Variants in VWF observed in about 807,000 individuals in gnomAD.
VWF encodes the protein Factor VIII related antigen.
A neutral mutation model predicts 308.6 loss-of-function variants in VWF; 176 were observed. The ratio of observed to expected loss-of-function variants is 0.57; its 90% CI spans 0.50 to 0.65. VWF has a LOEUF of 0.65. Ranked by LOEUF, VWF falls within the 30% of genes least tolerant of loss-of-function variation. The pLI, the probability that VWF is intolerant of heterozygous loss-of-function variation, is 0.00. For synonymous variants in VWF, 1,385 were observed against 1,443.4 expected, an observed-to-expected ratio of 0.96 and a Z score of 0.92; for missense variants, 3,146 against 3,648.2, an observed-to-expected ratio of 0.86 and a Z score of 3.55.
At chr12:6,021,846 C>T (rs2136416364) in intron 27 of VWF, 54 bp downstream of exon 27, 2 of 1,613,212 alleles carry the variant, frequency 1.2e-6, no homozygotes, top group Non-Finnish European at 1.7e-6. Flanking sequence ...CTAAGCTGGC[C>T]CCTGGAGAAG....
intron 28 of VWF, 27 bp downstream of exon 28, chr12:6,018,338 C>G (rs1451382033): frequency 1.2e-6 from 2 of 1,601,336 alleles, no homozygotes. Flanking sequence ...CCCAGCCCTC[C>G]CACCTGCACA....
intron 6 of VWF, among the ~76,000 whole-genome samples, chr12:6,083,541 G>A (rs944688726): frequency 1.3e-5 from 2 of 152,188 alleles, no homozygotes; most frequent in African/African-American, 4.8e-5. Flanking sequence ...CTCCAGCCTG[G>A]GCAAGAGAGC....
At position 6,062,972 on chromosome 12, in the gene VWF, G is replaced by A. The variant is rs377198574; in HGVS notation, c.1515C>T (p.Arg505=). The part of the protein sequence containing the change: ...GEDLQMDWDG[R]GRLLVKLSPV... The stretch of plus-strand genomic sequence containing the variant: ...CACCTACCTTCACCAGCAGCCTCCC[G>A]CGGCCATCCCAGTCCATCTGCAGGT... Residue 505 remains arginine (R), a synonymous_variant, in exon 13 of 52, where the codon CGC becomes CGT. Coordinates refer to ENST00000261405, the MANE Select transcript of VWF (RefSeq NM_000552.5). 67 of 1,612,818 alleles carry A rather than the reference G, an allele frequency of 4.2e-5. No homozygotes were observed. In the Middle Eastern group the frequency reaches 1.3e-3, roughly 32 times the overall value.
At chr12:5,998,799 C>A (rs1943840575) in intron 34 of VWF, among the ~76,000 whole-genome samples, 1 of 152,094 alleles carries the variant, frequency 6.6e-6, no homozygotes, top group Admixed American at 6.6e-5. Context: ...GCGATCTTGG[C>A]TCACTGCAAC....
chr12:6,085,771 C>T (rs977044992), intron 6 of VWF, among the ~76,000 whole-genome samples: 7 of 152,060 alleles, frequency 4.6e-5, no homozygotes, highest in African/African-American at 1.7e-4. Context: ...AGGACAAACA[C>T]CTAATGCATG....
rs1944585584 is a variant in VWF, at chr12:6,056,909, C to T, written c.1893G>A (p.Ala631=). 2 of 1,527,198 alleles carry T rather than the reference C, an allele frequency of 1.3e-6. No individual in the cohort carries two copies. The highest frequency in any genetic ancestry group is 1.7e-6 in the Non-Finnish European group (2 of 1,143,316). 94.6% of individuals were successfully genotyped at this position (1,527,198 alleles called of 1,614,324 possible). ...CLCGALASYA[A]ACAGRGVRVA... is the part of the protein sequence containing the mutation. ...CGCGCACGCCTCTCCCCGCGCAGGC[C>T]GCGGCATAGCTGGCCAGGGCGCCGC... The change falls in exon 15 of 52, where the codon GCG becomes GCA. Residue 631 remains alanine, a synonymous_variant. Transcript: ENST00000261405.
chr12:6,121,267 C>G lies in VWF; in HGVS notation c.127G>C (p.Val43Leu). 6.2e-7 allele frequency: 1 copy of G among 1,614,190 alleles called. No homozygotes were observed. Among genetic ancestry groups the G allele is most frequent in the Non-Finnish European group, 8.5e-7 (1 of 1,180,036 alleles). Reference sequence around the variant, plus strand: ...TACATGCTCCCATCAAAGGTGTTGACGAAGTCACTTCCGAAAAGGCTGCAT... The same window carrying G: ...TACATGCTCCCATCAAAGGTGTTGAGGAAGTCACTTCCGAAAAGGCTGCAT... ...ARCSLFGSDF[V>L]NTFDGSMYSF... Residue 43 changes from valine to leucine, a missense_variant, in exon 3 of 52, where the codon GTC becomes CTC. Physicochemically the swap from Val to Leu is conservative, Grantham distance 32. Around this residue, in one of 3 missense-constraint regions of VWF, gnomAD observed 1,304 missense variants for 1,353.0 expected, o/e 0.96. Transcript: ENST00000261405.
intron 19 of VWF, 57 bp downstream of exon 19, chr12:6,036,331 A>T (rs1038579295): frequency 1.3e-6 from 2 of 1,534,608 alleles, no homozygotes; most frequent in Non-Finnish European, 1.8e-6. Flanking sequence ...GGCCGCGTGC[A>T]CCCTCACTCC....
At chr12:6,009,670 T>C (rs1943969717) in intron 34 of VWF, among the ~76,000 whole-genome samples, 1 of 152,210 alleles carries the variant, frequency 6.6e-6, no homozygotes, top group South Asian at 2.1e-4. Flanking sequence ...AAGGTACTTA[T>C]ACACTTCCAC....
chr12:6,111,885 G>T (rs542104829), intron 3 of VWF, among the ~76,000 whole-genome samples: 71 of 150,792 alleles, frequency 4.7e-4, no homozygotes, highest in African/African-American at 1.6e-3. Context: ...GTGAACCCAG[G>T]AGGCGGAGCT....
chr12:6,094,374 TAA>T (rs1945081894), intron 6 of VWF, among the ~76,000 whole-genome samples: 1 of 152,220 alleles, frequency 6.6e-6, no homozygotes, highest in Non-Finnish European at 1.5e-5. Context: ...TGAGCTGGTA[TAA>T]GAGGAGGCTT....
chr12:5,996,058 T>G lies in VWF; in HGVS notation c.6007A>C (p.Lys2003Gln), dbSNP rs1943804631. 3.1e-6 allele frequency: 5 copies of G among 1,613,970 alleles called. No homozygotes were observed. Among genetic ancestry groups the G allele is most frequent in the Middle Eastern group, 1.7e-4 (1 of 5,876 alleles). ...CSPGARQGCM[K>Q]SIEVKHSALS... ...GCACTGTGCTTCACCTCGATGGATT[T>G]CATGCAGCCCTGCCTTGCTCCAGGG... is the stretch of plus-strand genomic sequence containing the variant. The change falls in exon 35 of 52, where the codon AAA becomes CAA. Residue 2003 changes from lysine (K) to glutamine (Q), a missense_variant. Physicochemically the swap from Lys to Gln is moderately conservative, Grantham distance 53. This residue lies in a region of VWF where 989 missense variants were observed against 1,117.4 expected (regional missense o/e 0.89). Coordinates refer to ENST00000261405, the MANE Select transcript of VWF (RefSeq NM_000552.5).
At chr12:6,121,856 A>G (rs1814249) in intron 2 of VWF, among the ~76,000 whole-genome samples, 79,726 of 151,676 alleles carry the variant, frequency 0.53, 21,829 homozygotes, top group Non-Finnish European at 0.63. Context: ...ACTTGAGCCC[A>G]GGAGGCAGAG....
intron 44 of VWF, among the ~76,000 whole-genome samples, chr12:5,971,295 AG>A (rs1943470416): frequency 6.6e-6 from 1 of 152,338 alleles, no homozygotes; most frequent in Middle Eastern, 3.4e-3. Context: ...AGGGGTGGTG[AG>A]GCCATCCCAA....
rs1944608956 is a variant in VWF at position 6,057,983 on chromosome 12, C to T, written c.1595G>A (p.Gly532Asp). 1.2e-6 allele frequency: 2 copies of T among 1,613,620 alleles called. No individual in the cohort carries two copies. The highest frequency in any genetic ancestry group is 1.7e-6 in the Non-Finnish European group (2 of 1,180,028). ...CCCAGAGGGGGTAAGGAAGTCGTCG[C>T]CCTGGTTGCCATTGTAATTCCCACA... ...GLCGNYNGNQ[G>D]DDFLTPSGLA... Residue 532 changes from glycine to aspartate, a missense_variant, in exon 14 of 52, where the codon GGC becomes GAC. Physicochemically the swap from Gly to Asp is moderately conservative, Grantham distance 94. Around this residue, in one of 3 missense-constraint regions of VWF, gnomAD observed 1,304 missense variants for 1,353.0 expected, o/e 0.96. Coordinates refer to ENST00000261405, the MANE Select transcript of VWF (RefSeq NM_000552.5).
intron 5 of VWF, among the ~76,000 whole-genome samples, chr12:6,101,284 T>C (rs989182635): frequency 6.6e-6 from 1 of 152,104 alleles, no homozygotes; most frequent in Non-Finnish European, 1.5e-5. Flanking sequence ...GTGTAAATAC[T>C]CCTACCATGG....
intron 19 of VWF, among the ~76,000 whole-genome samples, chr12:6,035,721 G>T (rs945403498): frequency 7.2e-5 from 11 of 152,180 alleles, no homozygotes; most frequent in Non-Finnish European, 4.4e-5. Flanking sequence ...CTGGCAGCTT[G>T]GCCCAAATGC....
intron 1 of VWF, 80 bp from the exon 2 acceptor site, chr12:6,123,276 A>G (rs1178733655): frequency 6.7e-7 from 1 of 1,496,312 alleles, no homozygotes; most frequent in African/African-American, 1.4e-5. Flanking sequence ...CAGGGCATGC[A>G]GTAGCAAAAA....
rs748791680 is a variant in VWF at position 5,991,899 on chromosome 12, C to G, written c.6718G>C (p.Asp2240His). The change falls in exon 38 of 52, where the codon GAT (aspartate) becomes CAT (histidine). Residue 2240 changes from aspartate to histidine, a missense_variant. This residue lies in a region of VWF where 989 missense variants were observed against 1,117.4 expected (regional missense o/e 0.89). Coordinates refer to ENST00000261405, the MANE Select transcript of VWF (RefSeq NM_000552.5). ...HPSEGCFCPPDKVMLEGSCVP... is the reference protein window; with the variant it reads ...HPSEGCFCPPHKVMLEGSCVP... ...CAGCTGCCTTCCAACATGACTTTAT[C>G]TGGAGGGCAGAAACAGCCTTCGGAG... 1.9e-5 allele frequency: 31 copies of G among 1,614,124 alleles called. No homozygotes were observed. The highest frequency in any genetic ancestry group is 2.7e-5 in the African/African-American group (2 of 74,946).
Sources: gnomAD v4.1 joint callset for allele counts (sites outside exome capture counted in the v4.1 genomes callset) on GRCh38, gnomAD v4.1.1 for gene constraint, gnomAD v4.1.1 regional missense constraint, MANE v1.5 for transcripts, NCBI Gene and HGNC (gene_info 2026-07-23, HGNC 2026-07-21) for gene names.